Variants in RAPGEF4 observed in about 807,000 individuals in gnomAD.
RAPGEF4 encodes Rap guanine nucleotide exchange factor 4, also known as RAP guanine-nucleotide-exchange factor (GEF) 4.
RAPGEF4 carries 66 observed loss-of-function variants against 147.9 expected under a neutral mutation model. The observed-to-expected ratio is 0.45, with a 90% confidence interval of 0.37 to 0.55. RAPGEF4 has a LOEUF of 0.55. Ranked by LOEUF, RAPGEF4 falls within the 20% of genes least tolerant of loss-of-function variation. The pLI, the probability that RAPGEF4 is intolerant of heterozygous loss-of-function variation, is 0.00. For missense variants in RAPGEF4, 1,071 were observed against 1,257.3 expected (o/e 0.85, Z 2.24); for synonymous variants, 419 against 442.7 (o/e 0.95, Z 0.67).
At chr2:172,988,074 A>G in intron 12 of RAPGEF4, 122 bp from the exon 13 acceptor site, 2 of 1,352,598 alleles carry the variant, frequency 1.5e-6, no homozygotes, top group Non-Finnish European at 1.9e-6. Flanking sequence ...TTTGCCAGTG[A>G]TGTTTCTCGA....
chr2:172,987,231 G>C (rs868286815), intron 12 of RAPGEF4, among the ~76,000 whole-genome samples: 1 of 152,114 alleles, frequency 6.6e-6, no homozygotes, highest in South Asian at 2.1e-4. Context: ...AGGCCCAGGA[G>C]GTCAAGGCTG....
chr2:172,799,941 C>A (rs962683925), intron 3 of RAPGEF4, among the ~76,000 whole-genome samples: 1 of 152,230 alleles, frequency 6.6e-6, no homozygotes, highest in Non-Finnish European at 1.5e-5. Context: ...TGCCCTTAAC[C>A]AGTTATCTCT....
chr2:172,768,908 T>G (rs541656019), intron 1 of RAPGEF4, among the ~76,000 whole-genome samples: 1 of 152,360 alleles, frequency 6.6e-6, no homozygotes, highest in South Asian at 2.1e-4. Flanking sequence ...CCTCTGCATT[T>G]CACAGCTCTC....
chr2:172,954,226 A>G (rs1688507308), intron 6 of RAPGEF4, among the ~76,000 whole-genome samples: 1 of 152,174 alleles, frequency 6.6e-6, no homozygotes, highest in African/African-American at 2.4e-5. Flanking sequence ...ATTAATCAGA[A>G]CTACCATCTA....
chr2:172,771,724 T>C (rs1683637432), intron 1 of RAPGEF4, among the ~76,000 whole-genome samples: 1 of 152,120 alleles, frequency 6.6e-6, no homozygotes, highest in South Asian at 2.1e-4. Flanking sequence ...GTATTACAGA[T>C]GTACACCACC....
chr2:172,986,711 T>A (rs1020190867), intron 12 of RAPGEF4, among the ~76,000 whole-genome samples: 4 of 151,860 alleles, frequency 2.6e-5, no homozygotes, highest in African/African-American at 9.7e-5. Context: ...TTTTTTTTTT[T>A]GAGACGGAGT....
intron 17 of RAPGEF4, among the ~76,000 whole-genome samples, chr2:173,004,782 A>G (rs56333621): frequency 0.073 from 11,106 of 152,110 alleles, 595 homozygotes; most frequent in South Asian, 0.15. Context: ...GAATTTATAT[A>G]TACATTTTTA....
chr2:172,947,338 T>A (rs1285240183), intron 6 of RAPGEF4, among the ~76,000 whole-genome samples: 11 of 152,242 alleles, frequency 7.2e-5, no homozygotes, highest in Non-Finnish European at 1.5e-5. Flanking sequence ...TTCCTGTGTT[T>A]ACATACTTTT....
chr2:172,753,348 ATTTAAAAGAAAACTGTTCTTCCAT>A (rs1323068975), intron 1 of RAPGEF4, among the ~76,000 whole-genome samples: 1 of 152,010 alleles, frequency 6.6e-6, no homozygotes, highest in East Asian at 1.9e-4. Flanking sequence ...CTGGAAAATT[ATTTAAAAGAAAACTGTTCTTCCAT>A]TTTAGTTGAA....
At chr2:172,975,727 A>G (rs1690993961) in intron 10 of RAPGEF4, among the ~76,000 whole-genome samples, 2 of 152,216 alleles carry the variant, frequency 1.3e-5, no homozygotes, top group South Asian at 4.1e-4. Flanking sequence ...CACCTTCTCA[A>G]AAAACATTTG....
At chr2:172,832,711 T>C (rs1690497570) in intron 4 of RAPGEF4, among the ~76,000 whole-genome samples, 1 of 152,244 alleles carries the variant, frequency 6.6e-6, no homozygotes, top group Non-Finnish European at 1.5e-5. Context: ...ACTGTTTTCA[T>C]TTTGCTTCTT....
intron 4 of RAPGEF4, among the ~76,000 whole-genome samples, chr2:172,824,088 A>G (rs185140552): frequency 2.6e-5 from 4 of 152,350 alleles, no homozygotes; most frequent in Admixed American, 1.3e-4. Context: ...CTGTGAATGG[A>G]AAGAATAAAA....
intron 23 of RAPGEF4, among the ~76,000 whole-genome samples, chr2:173,022,628 G>T (rs1007695830): frequency 6.6e-6 from 1 of 152,158 alleles, no homozygotes; most frequent in Non-Finnish European, 1.5e-5. Context: ...GGCTGTGCTG[G>T]CTTCTGTGAG....
At chr2:172,864,231 A>G (rs1274918194) in intron 4 of RAPGEF4, among the ~76,000 whole-genome samples, 1 of 152,210 alleles carries the variant, frequency 6.6e-6, no homozygotes, top group Non-Finnish European at 1.5e-5. Context: ...GAGATACCTG[A>G]GGTAGCTGGG....
chr2:173,022,396 T>C (rs576864810), intron 23 of RAPGEF4, among the ~76,000 whole-genome samples: 29 of 152,352 alleles, frequency 1.9e-4, no homozygotes, highest in Admixed American at 1.7e-3. Context: ...CATGAACTTC[T>C]TCCCTATCAG....
At chr2:173,040,966 C>T (rs1203379126) in intron 29 of RAPGEF4, among the ~76,000 whole-genome samples, 1 of 152,108 alleles carries the variant, frequency 6.6e-6, no homozygotes, top group East Asian at 1.9e-4. Flanking sequence ...CTGCATAAAG[C>T]ATGCTGATAA....
At chr2:172,923,769 AAAGC>A (rs1685003494) in intron 6 of RAPGEF4, among the ~76,000 whole-genome samples, 1 of 152,220 alleles carries the variant, frequency 6.6e-6, no homozygotes, top group Admixed American at 6.5e-5. Context: ...ATCTGTGGAG[AAAGC>A]ACAGACAAGT....
rs35418559 is a variant in RAPGEF4 at position 173,011,852 on chromosome 2, C to CAAA, written c.1659-2601_1659-2599dup. On this transcript the variant is annotated intron_variant, in intron 17 of 30. Transcript: ENST00000397081. ...AAAACCACATTAGCAGACTCCGTCT[C>CAAA]AAAAAAAAAAAAACCACATTAGCAC... Among the ~76,000 whole-genome samples the CAAA allele has an allele frequency of 1.3e-4, 19 of 143,434 alleles. No individual in the cohort carries two copies. In the South Asian group the frequency reaches 2.5e-3, roughly 19 times the overall value. 94.1% of individuals were successfully genotyped at this position (143,434 alleles called of 152,430 possible).
intron 17 of RAPGEF4, among the ~76,000 whole-genome samples, chr2:173,012,916 G>A (rs1695158422): frequency 6.6e-6 from 1 of 152,180 alleles, no homozygotes; most frequent in Non-Finnish European, 1.5e-5. Context: ...GAAAAACTCA[G>A]TTATAAATGC....
Sources: allele counts gnomAD v4.1 joint callset (sites outside exome capture counted in the v4.1 genomes callset), GRCh38; gene constraint gnomAD v4.1.1; transcripts MANE v1.5; gene names NCBI Gene and HGNC (gene_info 2026-07-23, HGNC 2026-07-21).